CCDC138: variants seen among roughly 807,000 people sequenced by gnomAD.
The protein encoded by CCDC138 is coiled-coil domain containing 138.
In CCDC138, 66 loss-of-function variants were observed where a neutral mutation model predicts 82.3. That is an observed-to-expected ratio of 0.80 (90% CI 0.66 to 0.98). The LOEUF (loss-of-function observed/expected upper bound fraction) is 0.98, where lower values mean the gene tolerates loss of function less well. CCDC138 is among the 50% of genes least tolerant of loss of function. The pLI is 0.00. For synonymous variants in CCDC138, 297 were observed against 265.4 expected, an observed-to-expected ratio of 1.12 and a Z score of -1.16; for missense variants, 816 against 758.9, an observed-to-expected ratio of 1.08 and a Z score of -0.88.
intron 12 of CCDC138, among the ~76,000 whole-genome samples, chr2:108,853,929 ATAATTT>A (rs1692045987): frequency 8.0e-6 from 1 of 125,084 alleles, no homozygotes. Context: ...TATATTATAT[ATAATTT>A]ATATATAATA....
intron 1 of CCDC138, chr2:108,882,385 G>A (rs1473486639): frequency 6.6e-6 from 1 of 152,130 alleles, no homozygotes; most frequent in Non-Finnish European, 1.5e-5. Flanking sequence ...ACAAAATTAG[G>A]TATGCCTGTA....
intron 10 of CCDC138, among the ~76,000 whole-genome samples, chr2:108,829,373 T>G (rs1010088844): frequency 1.5e-4 from 23 of 152,062 alleles, no homozygotes. Flanking sequence ...GCCCCTAAGC[T>G]CATAAAAAGA....
downstream of CCDC138, chr2:108,878,574 C>T (rs1478522): frequency 0.75 from 141,433 of 188,826 alleles, 56,022 homozygotes; most frequent in East Asian, 0.95. Flanking sequence ...TATGTTTTAT[C>T]GGGAAAATGG....
intron 6 of CCDC138, 78 bp downstream of exon 6, chr2:108,798,664 C>T (rs1256623207): frequency 4.4e-6 from 5 of 1,141,128 alleles, no homozygotes; most frequent in Middle Eastern, 6.0e-4. Flanking sequence ...AACATTTTGT[C>T]ACATTTGCTT....
chr2:108,856,642 A>T, intron 12 of CCDC138, 152 bp from the exon 13 acceptor site: 1 of 659,670 alleles, frequency 1.5e-6, no homozygotes, highest in Non-Finnish European at 2.6e-6. Flanking sequence ...CTGACAAATC[A>T]GTTAGAATCT....
rs35907845 is a variant in CCDC138, at chr2:108,794,575, C to T, written c.430C>T (p.Arg144Trp). 3.0e-5 allele frequency: 49 copies of T among 1,613,752 alleles called. No individual in the cohort carries two copies. The highest frequency in any genetic ancestry group is 5.0e-5 in the Admixed American group (3 of 59,934). Residue 144 changes from arginine (R) to tryptophan (W), a missense_variant, in exon 5 of 15, where the codon CGG becomes TGG. Transcript: ENST00000295124. ...AACTAATACGACCTCATCGAGACCT[C>T]GGACTGAGTGTTGTAGTGATGCAGG... ...LPTNTTSSRP[R>W]TECCSDAGDS...
At chr2:108,869,016 CT>C (rs1259072372) in intron 13 of CCDC138, among the ~76,000 whole-genome samples, 2 of 151,946 alleles carry the variant, frequency 1.3e-5, no homozygotes, top group African/African-American at 4.8e-5. Context: ...TTTTATTTTA[CT>C]TTATAAAAAT....
At chr2:108,814,576 C>T (rs1309430360) in intron 9 of CCDC138, among the ~76,000 whole-genome samples, 2 of 151,352 alleles carry the variant, frequency 1.3e-5, no homozygotes, top group African/African-American at 2.4e-5. Flanking sequence ...GTGTGGATTG[C>T]CATCGGCTTA....
At chr2:108,796,406 A>T (rs913114795) in intron 5 of CCDC138, among the ~76,000 whole-genome samples, 2 of 152,214 alleles carry the variant, frequency 1.3e-5, no homozygotes, top group Non-Finnish European at 1.5e-5. Flanking sequence ...AAGTACAGCC[A>T]CTGTGGAAAA....
intron 4 of CCDC138, among the ~76,000 whole-genome samples, chr2:108,794,005 A>G (rs763920189): frequency 1.3e-5 from 2 of 152,172 alleles, no homozygotes; most frequent in African/African-American, 4.8e-5. Flanking sequence ...AGGATGCTGT[A>G]TACAGTGTTT....
chr2:108,812,329 T>C (rs1310570958), intron 7 of CCDC138, among the ~76,000 whole-genome samples: 3 of 152,190 alleles, frequency 2.0e-5, no homozygotes, highest in African/African-American at 4.8e-5. Context: ...TTATATGTGT[T>C]ATAGTTCAGA....
intron 10 of CCDC138, among the ~76,000 whole-genome samples, chr2:108,825,566 C>T (rs907361801): frequency 9.2e-5 from 14 of 152,132 alleles, no homozygotes; most frequent in African/African-American, 2.4e-4. Context: ...TCGTACAATA[C>T]GTAGTGTTCC....
intron 12 of CCDC138, among the ~76,000 whole-genome samples, chr2:108,850,474 C>CA (rs1268790182): frequency 1.3e-5 from 2 of 151,902 alleles, no homozygotes; most frequent in African/African-American, 2.4e-5. Context: ...TTTTTGGAGA[C>CA]AGAGTTTCAC....
At chr2:108,802,158 C>T (rs1408716546) in intron 6 of CCDC138, among the ~76,000 whole-genome samples, 1 of 143,284 alleles carries the variant, frequency 7.0e-6, no homozygotes, top group Non-Finnish European at 1.5e-5. Context: ...TTTTCCAATT[C>T]TGTGAAGAAA....
chr2:108,833,853 G>T (rs552119619), intron 10 of CCDC138, among the ~76,000 whole-genome samples: 2 of 144,848 alleles, frequency 1.4e-5, no homozygotes, highest in African/African-American at 2.6e-5. Context: ...TCAGCCTCCC[G>T]AGTAGCTGGG....
At chr2:108,844,131 G>A (rs1238568294) in intron 11 of CCDC138, among the ~76,000 whole-genome samples, 1 of 151,926 alleles carries the variant, frequency 6.6e-6, no homozygotes, top group Non-Finnish European at 1.5e-5. Flanking sequence ...AAAGTGCCGG[G>A]AGTGCAACCG....
At chr2:108,846,428 C>T (rs896785333) in intron 11 of CCDC138, among the ~76,000 whole-genome samples, 3 of 151,596 alleles carry the variant, frequency 2.0e-5, no homozygotes, top group African/African-American at 7.3e-5. Context: ...CCTGTAATCC[C>T]AGCATTTTGG....
intron 3 of CCDC138, among the ~76,000 whole-genome samples, chr2:108,789,186 A>G (rs1163232120): frequency 6.6e-6 from 1 of 152,248 alleles, no homozygotes; most frequent in African/African-American, 2.4e-5. Context: ...ATTTAGTGGC[A>G]TAATGGAAAG....
chr2:108,883,908 A>G (rs1488092029), intron 2 of CCDC138: 1 of 148,456 alleles, frequency 6.7e-6, no homozygotes, highest in Non-Finnish European at 1.5e-5. Flanking sequence ...ACTCCTAAAT[A>G]ATGTGAACTT....
Sources: gnomAD v4.1 joint callset for allele counts (sites outside exome capture counted in the v4.1 genomes callset) on GRCh38, gnomAD v4.1.1 for gene constraint, MANE v1.5 for transcripts, NCBI Gene and HGNC (gene_info 2026-07-23, HGNC 2026-07-21) for gene names.